IMMP2L: variants seen among roughly 807,000 people sequenced by gnomAD.
The protein encoded by IMMP2L is inner mitochondrial membrane peptidase subunit 2.
IMMP2L carries 18 observed loss-of-function variants against 19.3 expected under a neutral mutation model. The ratio of observed to expected loss-of-function variants is 0.93; its 90% CI spans 0.64 to 1.38. IMMP2L has a LOEUF of 1.38. IMMP2L is among the 40% of genes most tolerant of loss of function. The probability of loss-of-function intolerance (pLI) is 0.00; values close to 1 mark genes in which losing one functional copy is unlikely to be tolerated. For synonymous variants in IMMP2L, 76 were observed against 73.0 expected (o/e 1.04, Z -0.21); for missense variants, 233 against 218.2 (o/e 1.07, Z -0.43).
chr7:111,358,437 GA>G (rs35515230), intron 3 of IMMP2L, among the ~76,000 whole-genome samples: 29,623 of 151,096 alleles, frequency 0.2, 5,006 homozygotes, highest in African/African-American at 0.46. Context: ...CCTACCTAAG[GA>G]AAAAAAATCA....
chr7:111,036,928 T>C (rs564535303), intron 3 of IMMP2L, among the ~76,000 whole-genome samples: 9 of 152,160 alleles, frequency 5.9e-5, no homozygotes, highest in Non-Finnish European at 1.3e-4. Flanking sequence ...AATATTTTTG[T>C]TTATTAATGT....
chr7:111,285,190 G>A (rs1322006735), intron 3 of IMMP2L, among the ~76,000 whole-genome samples: 2 of 152,064 alleles, frequency 1.3e-5, no homozygotes, highest in Non-Finnish European at 2.9e-5. Flanking sequence ...AGGAACACAA[G>A]GCAGGAAAGG....
intron 3 of IMMP2L, among the ~76,000 whole-genome samples, chr7:111,173,119 G>T (rs1340110038): frequency 6.6e-6 from 1 of 151,430 alleles, no homozygotes; most frequent in Non-Finnish European, 1.5e-5. Flanking sequence ...CCTAGAAGTA[G>T]GGCTTTTTCT....
At chr7:111,527,376 C>T (rs772081666) in intron 1 of IMMP2L, among the ~76,000 whole-genome samples, 2 of 147,066 alleles carry the variant, frequency 1.4e-5, no homozygotes, top group Non-Finnish European at 3.0e-5. Flanking sequence ...ATGACTGTGC[C>T]ACCACACTAC....
At chr7:111,554,436 T>C (rs898746544) in intron 1 of IMMP2L, among the ~76,000 whole-genome samples, 12 of 151,990 alleles carry the variant, frequency 7.9e-5, no homozygotes, top group African/African-American at 2.9e-4. Flanking sequence ...TAAGGAATAT[T>C]TTATTCCCCT....
At chr7:111,274,618 A>C (rs1284422132) in intron 3 of IMMP2L, among the ~76,000 whole-genome samples, 2 of 152,218 alleles carry the variant, frequency 1.3e-5, no homozygotes, top group East Asian at 3.9e-4. Flanking sequence ...CAAGCATACT[A>C]AATTACAATA....
intron 3 of IMMP2L, among the ~76,000 whole-genome samples, chr7:111,203,233 C>G (rs925660745): frequency 1.5e-4 from 23 of 151,906 alleles, no homozygotes; most frequent in Non-Finnish European, 1.5e-5. Flanking sequence ...CATATTCATT[C>G]AATAAACATT....
chr7:111,219,807 T>A (rs113305861), intron 3 of IMMP2L, among the ~76,000 whole-genome samples: 1 of 151,972 alleles, frequency 6.6e-6, no homozygotes, highest in African/African-American at 2.4e-5. Context: ...CTGTTTCTAT[T>A]GTGTTTAATC....
At chr7:111,554,687 T>C (rs1017396987) in intron 1 of IMMP2L, among the ~76,000 whole-genome samples, 1 of 151,936 alleles carries the variant, frequency 6.6e-6, no homozygotes, top group African/African-American at 2.4e-5. Context: ...CAGTACCACA[T>C]TCTCGGCTCA....
At chr7:110,792,274 C>G (rs1293456982) in intron 5 of IMMP2L, among the ~76,000 whole-genome samples, 11 of 151,506 alleles carry the variant, frequency 7.3e-5, no homozygotes, top group African/African-American at 2.4e-4. Flanking sequence ...TACTTACCTC[C>G]TAGAGTTAGA....
intron 3 of IMMP2L, among the ~76,000 whole-genome samples, chr7:110,996,849 C>T (rs1392908724): frequency 6.6e-6 from 1 of 151,990 alleles, no homozygotes; most frequent in Non-Finnish European, 1.5e-5. Context: ...ATCCACCGAA[C>T]TTATTCAGAT....
chr7:111,238,610 AAAAG>A (rs1814623350), intron 3 of IMMP2L, among the ~76,000 whole-genome samples: 1 of 151,988 alleles, frequency 6.6e-6, no homozygotes, highest in Non-Finnish European at 1.5e-5. Context: ...CAAATAATGA[AAAAG>A]AAAGGTTTTA....
At chr7:110,771,113 A>G (rs1346099971) in intron 5 of IMMP2L, among the ~76,000 whole-genome samples, 1 of 152,146 alleles carries the variant, frequency 6.6e-6, no homozygotes, top group East Asian at 1.9e-4. Context: ...TTCTGACGGG[A>G]AATATCCAGA....
intron 3 of IMMP2L, among the ~76,000 whole-genome samples, chr7:111,301,440 A>T (rs1271130077): frequency 6.6e-6 from 1 of 151,770 alleles, no homozygotes; most frequent in East Asian, 1.9e-4. Flanking sequence ...CTCTCTTAAC[A>T]AGAGTCTTAC....
chr7:111,370,173 C>T (rs1830135442), intron 3 of IMMP2L, among the ~76,000 whole-genome samples: 1 of 151,988 alleles, frequency 6.6e-6, no homozygotes, highest in Non-Finnish European at 1.5e-5. Context: ...GTTTGGAAAC[C>T]TAGAATCTAG....
At chr7:111,086,756 A>T (rs913662858) in intron 3 of IMMP2L, among the ~76,000 whole-genome samples, 3 of 152,226 alleles carry the variant, frequency 2.0e-5, no homozygotes, top group African/African-American at 7.2e-5. Flanking sequence ...CTTTCTGAGC[A>T]TATCGACTCA....
At chr7:111,322,158 G>A (rs1824789111) in intron 3 of IMMP2L, among the ~76,000 whole-genome samples, 2 of 151,794 alleles carry the variant, frequency 1.3e-5, no homozygotes, top group African/African-American at 4.8e-5. Flanking sequence ...TACAGTTATT[G>A]GTAATTTAAT....
intron 3 of IMMP2L, among the ~76,000 whole-genome samples, chr7:111,098,012 G>C (rs891577661): frequency 3.3e-5 from 5 of 151,812 alleles, no homozygotes; most frequent in Admixed American, 1.3e-4. Flanking sequence ...GCATTGAAAA[G>C]AAAGTGCAAC....
chr7:110,864,508 T>C (rs1807787339), intron 5 of IMMP2L, among the ~76,000 whole-genome samples: 1 of 152,116 alleles, frequency 6.6e-6, no homozygotes, highest in Non-Finnish European at 1.5e-5. Context: ...ACAACTAATG[T>C]TCCAAGAATT....
Sources: gnomAD v4.1 joint callset for allele counts (sites outside exome capture counted in the v4.1 genomes callset) on GRCh38, gnomAD v4.1.1 for gene constraint, MANE v1.5 for transcripts, NCBI Gene and HGNC (gene_info 2026-07-23, HGNC 2026-07-21) for gene names.